Variants in ROBO1 observed in about 807,000 individuals in gnomAD.
ROBO1 encodes the protein roundabout guidance receptor 1.
Under a neutral mutation model 195.9 loss-of-function variants are expected in ROBO1, and 149 were observed. The ratio of observed to expected loss-of-function variants is 0.76; its 90% CI spans 0.67 to 0.87. ROBO1 has a LOEUF of 0.87. Ranked by LOEUF, ROBO1 falls within the 40% of genes least tolerant of loss-of-function variation. The pLI is 0.00. For synonymous variants in ROBO1, 816 were observed against 733.2 expected (o/e 1.11, Z -1.82); for missense variants, 1,933 against 2,068.3 (o/e 0.93, Z 1.27).
chr3:78,675,856 A>C (rs1482057666), intron 10 of ROBO1, among the ~76,000 whole-genome samples: 1 of 152,106 alleles, frequency 6.6e-6, no homozygotes, highest in Non-Finnish European at 1.5e-5. Context: ...GATCTGAGAA[A>C]GGGCAGACTG....
chr3:78,674,758 T>C (rs944205916), intron 10 of ROBO1, among the ~76,000 whole-genome samples: 1 of 152,192 alleles, frequency 6.6e-6, no homozygotes, highest in African/African-American at 2.4e-5. Context: ...CATGAAAACC[T>C]TTGCTTTAAA....
chr3:78,971,998 C>T (rs2076778702), intron 3 of ROBO1, among the ~76,000 whole-genome samples: 1 of 152,190 alleles, frequency 6.6e-6, no homozygotes, highest in Non-Finnish European at 1.5e-5. Flanking sequence ...GAACTCCTGA[C>T]CTTGTGATCT....
intron 2 of ROBO1, among the ~76,000 whole-genome samples, chr3:79,414,663 A>G (rs1237242730): frequency 6.6e-6 from 1 of 152,164 alleles, no homozygotes; most frequent in Non-Finnish European, 1.5e-5. Context: ...TCCATGGTAC[A>G]CTAGTAAAAG....
intron 2 of ROBO1, among the ~76,000 whole-genome samples, chr3:79,221,407 A>G (rs1330897858): frequency 6.6e-6 from 1 of 152,240 alleles, no homozygotes; most frequent in South Asian, 2.1e-4. Context: ...TCTATTTTGA[A>G]GTTTTAACTC....
chr3:79,212,580 G>T (rs560548182), intron 2 of ROBO1, among the ~76,000 whole-genome samples: 2 of 152,220 alleles, frequency 1.3e-5, no homozygotes, highest in African/African-American at 4.8e-5. Flanking sequence ...CAGCACTTTG[G>T]GAGACTGAGG....
At chr3:79,678,972 G>A (rs1451573226) in intron 1 of ROBO1, among the ~76,000 whole-genome samples, 1 of 151,956 alleles carries the variant, frequency 6.6e-6, no homozygotes, top group Non-Finnish European at 1.5e-5. Flanking sequence ...ATGGAAAAAG[G>A]TAATTAATTT....
At chr3:78,639,636 A>C in intron 22 of ROBO1, 108 bp downstream of exon 22, 1 of 1,131,340 alleles carries the variant, frequency 8.8e-7, no homozygotes, top group Non-Finnish European at 1.2e-6. Context: ...CATTGGATAA[A>C]ATACGGGTCA....
chr3:79,595,340 A>C (rs975820404), intron 1 of ROBO1, among the ~76,000 whole-genome samples: 1 of 152,052 alleles, frequency 6.6e-6, no homozygotes, highest in African/African-American at 2.4e-5. Flanking sequence ...TATTTCCACA[A>C]AGTCAAAAGC....
chr3:78,921,362 A>T (rs1220628796), intron 4 of ROBO1, among the ~76,000 whole-genome samples: 1 of 152,210 alleles, frequency 6.6e-6, no homozygotes, highest in Non-Finnish European at 1.5e-5. Context: ...CAATTTCCAT[A>T]GCATAAGTAC....
intron 2 of ROBO1, among the ~76,000 whole-genome samples, chr3:79,377,082 T>G (rs1278861461): frequency 6.6e-6 from 1 of 151,754 alleles, no homozygotes; most frequent in Non-Finnish European, 1.5e-5. Context: ...AGAAGGCAAG[T>G]TTTTCAAGCC....
intron 10 of ROBO1, among the ~76,000 whole-genome samples, chr3:78,681,837 G>A (rs530998188): frequency 2.0e-5 from 3 of 152,290 alleles, no homozygotes; most frequent in East Asian, 1.9e-4. Flanking sequence ...GGGAGGCGGA[G>A]CTTACAGTGA....
intron 1 of ROBO1, among the ~76,000 whole-genome samples, chr3:79,745,627 A>G (rs1221794800): frequency 6.6e-6 from 1 of 152,168 alleles, no homozygotes; most frequent in Non-Finnish European, 1.5e-5. Context: ...GATAATATTT[A>G]TCCTGTAAAC....
chr3:79,488,326 A>G (rs1002969992), intron 2 of ROBO1, among the ~76,000 whole-genome samples: 2 of 152,116 alleles, frequency 1.3e-5, no homozygotes, highest in African/African-American at 2.4e-5. Flanking sequence ...TTTTCTTCAA[A>G]ATATCATCAG....
chr3:79,296,599 G>A (rs1471512898), intron 2 of ROBO1, among the ~76,000 whole-genome samples: 1 of 152,114 alleles, frequency 6.6e-6, no homozygotes, highest in East Asian at 1.9e-4. Context: ...AACTTACATA[G>A]ATTTCCAATT....
At chr3:79,232,319 T>C (rs2082334852) in intron 2 of ROBO1, among the ~76,000 whole-genome samples, 1 of 150,376 alleles carries the variant, frequency 6.6e-6, no homozygotes, top group African/African-American at 2.4e-5. Context: ...GAAGATAATG[T>C]TTAAGTATCT....
intron 2 of ROBO1, among the ~76,000 whole-genome samples, chr3:79,326,178 T>G (rs1029593526): frequency 3.3e-5 from 5 of 152,108 alleles, no homozygotes; most frequent in African/African-American, 1.2e-4. Context: ...TGCCCGAAAC[T>G]TCATTAGCAA....
intron 10 of ROBO1, among the ~76,000 whole-genome samples, chr3:78,672,599 A>C (rs1239569510): frequency 2.7e-5 from 4 of 150,794 alleles, no homozygotes; most frequent in Non-Finnish European, 5.9e-5. Context: ...TGTCTCAAAA[A>C]AAAAAAAAAA....
chr3:78,748,233 G>A (rs926995908), intron 4 of ROBO1, among the ~76,000 whole-genome samples: 2 of 152,148 alleles, frequency 1.3e-5, no homozygotes, highest in Non-Finnish European at 2.9e-5. Context: ...ATTACCTGAG[G>A]TCAGGAGTTT....
chr3:79,655,565 C>T (rs958415309), intron 1 of ROBO1, among the ~76,000 whole-genome samples: 1 of 151,848 alleles, frequency 6.6e-6, no homozygotes, highest in Non-Finnish European at 1.5e-5. Context: ...GTGTCAGGAA[C>T]CTCAAAAGAA....
Sources: allele counts gnomAD v4.1 joint callset (sites outside exome capture counted in the v4.1 genomes callset), GRCh38; gene constraint gnomAD v4.1.1; transcripts MANE v1.5; gene names NCBI Gene and HGNC (gene_info 2026-07-23, HGNC 2026-07-21).